Variants in NSMCE2 observed in about 807,000 individuals in gnomAD.
The protein encoded by NSMCE2 is NSE2 SUMO ligase component of SMC5/6 complex, also known as E3 SUMO-protein ligase NSE2.
In NSMCE2, 24 loss-of-function variants were observed where a neutral mutation model predicts 23.8. The observed-to-expected ratio is 1.01, with a 90% CI of 0.73 to 1.42. NSMCE2 has a LOEUF of 1.42. Ranked by LOEUF, NSMCE2 falls within the 40% of genes most tolerant of loss-of-function variation. The probability of loss-of-function intolerance (pLI) is 0.00; values close to 1 mark genes in which losing one functional copy is unlikely to be tolerated. For missense variants in NSMCE2, 284 were observed against 296.5 expected, an observed-to-expected ratio of 0.96 and a Z score of 0.31; for synonymous variants, 92 against 94.1, an observed-to-expected ratio of 0.98 and a Z score of 0.13.
intron 5 of NSMCE2, among the ~76,000 whole-genome samples, chr8:125,223,325 T>G (rs1471081366): frequency 2.6e-5 from 4 of 152,070 alleles, no homozygotes; most frequent in Admixed American, 2.6e-4. Flanking sequence ...ACCACTGCAC[T>G]CCAGCCTGGG....
At chr8:125,278,958 G>C (rs1348454405) in intron 5 of NSMCE2, among the ~76,000 whole-genome samples, 1 of 151,844 alleles carries the variant, frequency 6.6e-6, no homozygotes, top group African/African-American at 2.4e-5. Context: ...TAGAGCCATA[G>C]TCAAATGTGA....
At chr8:125,310,106 G>A (rs1316488689) in intron 5 of NSMCE2, among the ~76,000 whole-genome samples, 1 of 152,112 alleles carries the variant, frequency 6.6e-6, no homozygotes, top group Admixed American at 6.6e-5. Context: ...CTTTCTATTG[G>A]GAAACTAATC....
chr8:125,325,587 T>C lies in NSMCE2; in HGVS notation c.419-31632T>C, dbSNP rs1377687717. ...GTCTTGAACTCCTGAGCTCAAGCAA[T>C]CTGCCCGCCTCAGACTACCAAAATG... is the stretch of plus-strand genomic sequence containing the variant. On this transcript the variant is annotated intron_variant, in intron 5 of 7. Transcript: ENST00000287437. Among the ~76,000 whole-genome samples, 5 of 152,264 alleles carry C rather than the reference T, an allele frequency of 3.3e-5. No homozygotes were observed. In the East Asian group the frequency reaches 9.7e-4, roughly 29 times the overall value.
intron 5 of NSMCE2, among the ~76,000 whole-genome samples, chr8:125,189,881 C>T (rs1823270491): frequency 6.6e-6 from 1 of 152,152 alleles, no homozygotes; most frequent in Admixed American, 6.5e-5. Context: ...CAGAATATGG[C>T]TTTAGTCACT....
chr8:125,184,937 A>G (rs1346302853), intron 5 of NSMCE2, among the ~76,000 whole-genome samples: 1 of 152,196 alleles, frequency 6.6e-6, no homozygotes, highest in African/African-American at 2.4e-5. Context: ...GAGGCCAGAG[A>G]GAGAGACTTG....
intron 5 of NSMCE2, among the ~76,000 whole-genome samples, chr8:125,302,070 TGCCTCA>T (rs1243164479): frequency 6.6e-6 from 1 of 152,124 alleles, no homozygotes; most frequent in Non-Finnish European, 1.5e-5. Flanking sequence ...GTGATTGTCA[TGCCTCA>T]GCCTCCCAGA....
chr8:125,169,205 TCA>T (rs980487614), intron 4 of NSMCE2, among the ~76,000 whole-genome samples: 2 of 152,198 alleles, frequency 1.3e-5, no homozygotes, highest in African/African-American at 4.8e-5. Context: ...ATCTCTTCAC[TCA>T]GTAAAGCCTG....
At chr8:125,163,611 C>A (rs1447704738) in intron 4 of NSMCE2, among the ~76,000 whole-genome samples, 2 of 152,088 alleles carry the variant, frequency 1.3e-5, no homozygotes, top group Non-Finnish European at 2.9e-5. Context: ...GTTTTGACTA[C>A]CCCCCTGCCC....
chr8:125,126,021 A>G (rs1176564560), intron 3 of NSMCE2, among the ~76,000 whole-genome samples: 2 of 152,176 alleles, frequency 1.3e-5, no homozygotes, highest in Non-Finnish European at 2.9e-5. Context: ...CCTCTGATGT[A>G]GAAGGAGGCA....
intron 1 of NSMCE2, among the ~76,000 whole-genome samples, chr8:125,095,036 A>G (rs1189687496): frequency 6.6e-6 from 1 of 152,034 alleles, no homozygotes; most frequent in Non-Finnish European, 1.5e-5. Context: ...TTTTCTGTAA[A>G]GACAGAGTCT....
chr8:125,256,994 C>T (rs1009904634), intron 5 of NSMCE2, among the ~76,000 whole-genome samples: 29 of 126,804 alleles, frequency 2.3e-4, no homozygotes, highest in Non-Finnish European at 4.1e-4. Context: ...AGCACCCTGA[C>T]ATGTAGAAGT....
intron 5 of NSMCE2, among the ~76,000 whole-genome samples, chr8:125,220,001 G>A (rs1173461978): frequency 6.6e-6 from 1 of 152,112 alleles, no homozygotes; most frequent in African/African-American, 2.4e-5. Context: ...CTTCCCTCTT[G>A]CTATTAAAGA....
chr8:125,181,883 C>T (rs1171529567), intron 4 of NSMCE2, among the ~76,000 whole-genome samples: 1 of 152,070 alleles, frequency 6.6e-6, no homozygotes, highest in Non-Finnish European at 1.5e-5. Flanking sequence ...CTTACGGAAG[C>T]CAAAATAGAA....
intron 5 of NSMCE2, among the ~76,000 whole-genome samples, chr8:125,249,849 G>A (rs1029095148): frequency 6.6e-6 from 1 of 152,122 alleles, no homozygotes. Flanking sequence ...ATTAAAGGCA[G>A]ACCTGAGATT....
At chr8:125,100,367 C>T (rs1013996202) in intron 1 of NSMCE2, among the ~76,000 whole-genome samples, 3 of 152,108 alleles carry the variant, frequency 2.0e-5, no homozygotes, top group African/African-American at 4.8e-5. Context: ...ACCCTTCCAT[C>T]TGTTAAACTT....
At chr8:125,112,466 G>A (rs892050908) in intron 3 of NSMCE2, among the ~76,000 whole-genome samples, 5 of 152,144 alleles carry the variant, frequency 3.3e-5, no homozygotes, top group Non-Finnish European at 5.9e-5. Flanking sequence ...ATTCACAATA[G>A]CCAAGATACA....
intron 5 of NSMCE2, among the ~76,000 whole-genome samples, chr8:125,268,880 A>G (rs1284957078): frequency 6.6e-6 from 1 of 152,218 alleles, no homozygotes; most frequent in Non-Finnish European, 1.5e-5. Flanking sequence ...CTTAGAAAAT[A>G]CAAATTGAGA....
At chr8:125,160,545 A>T (rs1821555932) in intron 4 of NSMCE2, among the ~76,000 whole-genome samples, 1 of 152,206 alleles carries the variant, frequency 6.6e-6, no homozygotes, top group Non-Finnish European at 1.5e-5. Flanking sequence ...AACTGGGCCA[A>T]TGCAGAGGCC....
At chr8:125,175,916 T>G (rs1013229972) in intron 4 of NSMCE2, among the ~76,000 whole-genome samples, 2 of 152,230 alleles carry the variant, frequency 1.3e-5, no homozygotes, top group Non-Finnish European at 1.5e-5. Context: ...TTCTGCTTTT[T>G]GTTTCTACCA....
Sources: allele counts gnomAD v4.1 joint callset (sites outside exome capture counted in the v4.1 genomes callset), GRCh38; gene constraint gnomAD v4.1.1; transcripts MANE v1.5; gene names NCBI Gene and HGNC (gene_info 2026-07-23, HGNC 2026-07-21).